The following VWF variants were observed in gnomAD, a reference collection of about 807,000 sequenced individuals.
VWF encodes the protein Factor VIII related antigen.
In VWF, 176 loss-of-function variants were observed where a neutral mutation model predicts 308.6. The observed-to-expected ratio is 0.57, with a 90% CI of 0.50 to 0.65. The LOEUF is 0.65. Among genes scored for constraint, VWF ranks in the 30% least tolerant of loss-of-function variants. VWF has a pLI of 0.00. For missense variants in VWF, 3,146 were observed against 3,648.2 expected, an observed-to-expected ratio of 0.86 and a Z score of 3.55; for synonymous variants, 1,385 against 1,443.4, an observed-to-expected ratio of 0.96 and a Z score of 0.92.
chr12:5,970,561 A>T (rs1943461039), intron 44 of VWF, among the ~76,000 whole-genome samples: 1 of 152,202 alleles, frequency 6.6e-6, no homozygotes, highest in Admixed American at 6.5e-5. Flanking sequence ...ACATGGGAGC[A>T]GAAGCACTAA....
chr12:6,068,906 G>C (rs147942497), intron 10 of VWF, among the ~76,000 whole-genome samples: 1 of 148,884 alleles, frequency 6.7e-6, no homozygotes, highest in East Asian at 2.0e-4. Flanking sequence ...CAGCAGGCTG[G>C]AGTGCAGTGA....
At chr12:6,107,901 G>A (rs543554516) in intron 5 of VWF, among the ~76,000 whole-genome samples, 6 of 152,014 alleles carry the variant, frequency 3.9e-5, no homozygotes, top group African/African-American at 1.4e-4. Flanking sequence ...CTCATGATCC[G>A]CCCACTTCGG....
chr12:5,964,250 G>GCATACATA (rs202210763), intron 47 of VWF, among the ~76,000 whole-genome samples: 424 of 122,000 alleles, frequency 3.5e-3, no homozygotes, highest in African/African-American at 5.0e-3. Flanking sequence ...ATACATACAT[G>GCATACATA]CATACATACA....
chr12:6,116,785 T>C (rs999003740), intron 3 of VWF, among the ~76,000 whole-genome samples: 1 of 152,196 alleles, frequency 6.6e-6, no homozygotes, highest in African/African-American at 2.4e-5. Context: ...CAGGTGGCCC[T>C]TCGTGTGCGT....
At chr12:5,976,652 CG>C in intron 42 of VWF, among the ~76,000 whole-genome samples, 1 of 152,032 alleles carries the variant, frequency 6.6e-6, no homozygotes, top group East Asian at 1.9e-4. Flanking sequence ...CCATCCTCAT[CG>C]AGCCCTCTGC....
At chr12:5,974,884 T>C (rs1943516410) in intron 43 of VWF, among the ~76,000 whole-genome samples, 1 of 152,158 alleles carries the variant, frequency 6.6e-6, no homozygotes, top group Admixed American at 6.5e-5. Context: ...CCTTTTATTG[T>C]AGCTAGCCTG....
chr12:6,093,145 G>A (rs1945069017), intron 6 of VWF, among the ~76,000 whole-genome samples: 1 of 152,166 alleles, frequency 6.6e-6, no homozygotes, highest in South Asian at 2.1e-4. Flanking sequence ...GTTGCTCTCT[G>A]GATAAGGGCA....
intron 28 of VWF, among the ~76,000 whole-genome samples, chr12:6,017,335 T>C (rs567800996): frequency 6.6e-6 from 1 of 152,330 alleles, no homozygotes; most frequent in East Asian, 1.9e-4. Flanking sequence ...TATAAATGCC[T>C]AGTGCTCCTG....
intron 6 of VWF, among the ~76,000 whole-genome samples, chr12:6,087,284 G>A (rs996004297): frequency 6.6e-6 from 1 of 151,966 alleles, no homozygotes; most frequent in Non-Finnish European, 1.5e-5. Context: ...GAGTAAAGGA[G>A]GGCTGCCTAG....
At chr12:6,004,541 A>C (rs1218307206) in intron 34 of VWF, among the ~76,000 whole-genome samples, 2 of 152,128 alleles carry the variant, frequency 1.3e-5, no homozygotes, top group Admixed American at 1.3e-4. Flanking sequence ...GGAATTATAC[A>C]AGAGAAATTA....
At position 6,034,777 on chromosome 12, in the gene VWF, T is replaced by C. The variant is rs1944315005; in HGVS notation, c.2596A>G (p.Thr866Ala). ...WNCTDHVCDA[T>A]CSTIGMAHYL... ...TGGGCCATGCCGATCGTGGAGCACG[T>C]GGCATCACACACATGGTCTGTGCAG... The change falls in exon 20 of 52, where the codon ACG becomes GCG. Residue 866 changes from threonine (T) to alanine (A), a missense_variant. By Grantham distance (58) the Thr-to-Ala change is moderately conservative. Around this residue, in one of 3 missense-constraint regions of VWF, gnomAD observed 1,304 missense variants for 1,353.0 expected, o/e 0.96. Coordinates refer to ENST00000261405, the MANE Select transcript of VWF (RefSeq NM_000552.5). 6.8e-6 allele frequency: 11 copies of C among 1,614,202 alleles called. No homozygotes were observed. The East Asian group carries it at 2.5e-4, about 36-fold the overall frequency.
In VWF at chr12:6,019,410, T is replaced by A. The variant is rs529365979; in HGVS notation, c.4008A>T (p.Arg1336=). The change falls in exon 28 of 52, where the codon CGA becomes CGT. Residue 1336 remains arginine (R), a synonymous_variant. Coordinates refer to ENST00000261405, the MANE Select transcript of VWF (RefSeq NM_000552.5). The surrounding 1 kb of genome is among the most constrained non-coding windows in gnomAD (Gnocchi z 5.8). Reference sequence around the variant, plus strand: ...TGGCAATGCGCCGCAGCTCTGACGGTCGCTTCCGGTCCTTGAGCCCGATGT... The same window carrying A: ...TGGCAATGCGCCGCAGCTCTGACGGACGCTTCCGGTCCTTGAGCCCGATGT... ...HAYIGLKDRK[R]PSELRRIASQ... 1 of 1,613,864 alleles carries A rather than the reference T, an allele frequency of 6.2e-7. No homozygotes were observed. The highest frequency in any genetic ancestry group is 1.1e-5 in the South Asian group (1 of 91,066).
intron 5 of VWF, among the ~76,000 whole-genome samples, chr12:6,098,201 C>T (rs1166357166): frequency 6.6e-6 from 1 of 152,230 alleles, no homozygotes; most frequent in Non-Finnish European, 1.5e-5. Context: ...TGGGGACAAA[C>T]ATTGTTGAGT....
chr12:5,965,359 T>C (rs567558968), intron 47 of VWF, among the ~76,000 whole-genome samples: 1 of 152,260 alleles, frequency 6.6e-6, no homozygotes, highest in South Asian at 2.1e-4. Flanking sequence ...CTCCCCGTGT[T>C]TCCCTTTTCT....
At chr12:6,088,490 AAAGCG>A (rs1320625137) in intron 6 of VWF, among the ~76,000 whole-genome samples, 2 of 145,318 alleles carry the variant, frequency 1.4e-5, no homozygotes, top group Admixed American at 6.7e-5. Context: ...AAAAAAAAAA[AAAGCG>A]AGAGAGAGAG....
intron 34 of VWF, among the ~76,000 whole-genome samples, chr12:6,005,690 T>C (rs1438076342): frequency 2.0e-5 from 3 of 152,168 alleles, no homozygotes; most frequent in African/African-American, 4.8e-5. Flanking sequence ...AGCAGAAACC[T>C]TGCAGGCCAG....
intron 16 of VWF, among the ~76,000 whole-genome samples, chr12:6,048,821 T>C (rs866467208): frequency 5.9e-5 from 9 of 152,356 alleles, no homozygotes; most frequent in South Asian, 4.1e-4. Context: ...ATCTGTTGAA[T>C]AAACAAGAGA....
Position 5,977,800 on chromosome 12 carries a change from G to A in VWF, c.7288-1540C>T, listed in dbSNP as rs1183019395. On this transcript the variant is annotated intron_variant, in intron 42 of 51. Coordinates refer to ENST00000261405, the MANE Select transcript of VWF (RefSeq NM_000552.5). ...GGGGAGGATCGTCTGAGCCTAGGGG[G>A]TGGAGGCTGAAGTTAGTTGAGGTCG... 3.3e-5 allele frequency among the ~76,000 whole-genome samples: 5 copies of A among 151,444 alleles called. No individual in the cohort carries two copies. In the East Asian group the frequency reaches 9.7e-4, roughly 29 times the overall value.
rs558369483 is a variant in VWF, at chr12:6,015,781, C to G, written c.5455+308G>C. On this transcript the variant is annotated intron_variant, in intron 31 of 51. Coordinates refer to ENST00000261405, the MANE Select transcript of VWF (RefSeq NM_000552.5). Reference sequence around the variant, plus strand: ...GACATGACATTTTAGTAAGAGACCACGAATCCTACTTTAGAAAGAAAGGGC... The same window carrying G: ...GACATGACATTTTAGTAAGAGACCAGGAATCCTACTTTAGAAAGAAAGGGC... 2.3e-3 allele frequency among the ~76,000 whole-genome samples: 353 copies of G among 152,228 alleles called. 1 individual carries two copies. Among genetic ancestry groups the G allele is most frequent in the African/African-American group, 8.1e-3 (336 of 41,536 alleles).
Sources: gnomAD v4.1 joint callset for allele counts (sites outside exome capture counted in the v4.1 genomes callset) on GRCh38, gnomAD v4.1.1 for gene constraint, gnomAD v4.1.1 regional missense constraint, Gnocchi (gnomAD v3.1) non-coding constraint, MANE v1.5 for transcripts, NCBI Gene and HGNC (gene_info 2026-07-23, HGNC 2026-07-21) for gene names.